The following ZBTB38 variants were observed in gnomAD, a reference collection of about 807,000 sequenced individuals.
The protein encoded by ZBTB38 is zinc finger and BTB domain containing 38, also known as zinc finger and BTB domain-containing protein 38.
A neutral mutation model predicts 76.8 loss-of-function variants in ZBTB38; 20 were observed. The observed-to-expected ratio is 0.26, with a 90% CI of 0.18 to 0.38. The LOEUF is 0.38. Among genes scored for constraint, ZBTB38 ranks in the 10% least tolerant of loss-of-function variants. The pLI, the probability that ZBTB38 is intolerant of heterozygous loss-of-function variation, is 1.00. For missense variants in ZBTB38, 1,082 were observed against 1,482.3 expected (o/e 0.73, Z 4.43); for synonymous variants, 504 against 544.2 (o/e 0.93, Z 1.03).
chr3:141,343,164 T>C (rs1576651628), intron 1 of ZBTB38, among the ~76,000 whole-genome samples: 1 of 151,986 alleles, frequency 6.6e-6, no homozygotes, highest in Admixed American at 6.6e-5. Context: ...TCGGAGGAAG[T>C]TTAGGGCAAG....
intron 5 of ZBTB38, among the ~76,000 whole-genome samples, chr3:141,408,628 G>A (rs1463667784): frequency 6.6e-6 from 1 of 152,074 alleles, no homozygotes; most frequent in Non-Finnish European, 1.5e-5. Context: ...ACAAAGGATT[G>A]AGATATATAG....
Position 141,442,302 on chromosome 3 carries a change from C to A in ZBTB38, c.1-87C>A. 2.0e-6 allele frequency: 2 copies of A among 992,352 alleles called. No homozygotes were observed. Among genetic ancestry groups the A allele is most frequent in the Non-Finnish European group, 3.0e-6 (2 of 665,672 alleles). 61.5% of individuals were successfully genotyped at this position (992,352 alleles called of 1,614,324 possible). A position where few individuals can be genotyped will look rare whatever the true frequency, so the allele number is the denominator to read the frequency against. The stretch of plus-strand genomic sequence containing the variant: ...AAACCTGAAGTTTCATACAAAAGAA[C>A]AGTTTTTCACAGAAGTGGAAAATAG... On this transcript the variant is annotated intron_variant, in intron 5 of 5. Transcript: ENST00000321464. The surrounding 1 kb of genome is among the most constrained non-coding windows in gnomAD (Gnocchi z 6.4).
intron 5 of ZBTB38, among the ~76,000 whole-genome samples, chr3:141,409,962 G>A (rs13099193): frequency 0.25 from 38,433 of 152,176 alleles, 5,722 homozygotes; most frequent in Non-Finnish European, 0.34. Context: ...AAAGACATTC[G>A]TGAGAATCCA....
intron 5 of ZBTB38, among the ~76,000 whole-genome samples, chr3:141,429,045 C>T (rs1210671003): frequency 6.6e-6 from 1 of 152,056 alleles, no homozygotes; most frequent in Non-Finnish European, 1.5e-5. Flanking sequence ...AGGCACTGTT[C>T]CAGGTGCTTA....
intron 1 of ZBTB38, among the ~76,000 whole-genome samples, chr3:141,355,301 C>T (rs912963303): frequency 1.1e-4 from 17 of 152,102 alleles, no homozygotes; most frequent in African/African-American, 3.1e-4. Context: ...TCCTTACTCT[C>T]CAAGGTTGGG....
At chr3:141,340,966 G>GAAAGAAAGAAAGA (rs1412534685) in intron 1 of ZBTB38, among the ~76,000 whole-genome samples, 1 of 83,870 alleles carries the variant, frequency 1.2e-5, no homozygotes, top group Non-Finnish European at 2.4e-5. Context: ...AAGAAAGAAA[G>GAAAGAAAGAAAGA]AAAGAAAGAA....
intron 5 of ZBTB38, chr3:141,434,159 T>C (rs2078229791): frequency 2.0e-6 from 2 of 983,762 alleles, no homozygotes; most frequent in African/African-American, 1.7e-5. Flanking sequence ...ATTGTAATGA[T>C]GGGAAACCAA....
Position 141,443,133 on chromosome 3 carries a change from G to A in ZBTB38, c.745G>A (p.Gly249Arg), listed in dbSNP as rs765092724. The change falls in exon 6 of 6, where the codon GGG becomes AGG. Residue 249 changes from glycine (G) to arginine (R), a missense_variant. This residue lies in a region of ZBTB38 where 324 missense variants were observed against 359.1 expected (regional missense o/e 0.90). Coordinates refer to ENST00000321464, the MANE Select transcript of ZBTB38 (RefSeq NM_001376113.1). The surrounding 1 kb of genome is among the most constrained non-coding windows in gnomAD (Gnocchi z 5.6). The part of the protein sequence containing the change: ...EHDGSSPGNT[G>R]KENCEALAAK... ...TGATGGCAGTTCACCTGGTAACACA[G>A]GGAAAGAAAATTGTGAAGCCCTTGC... 9 of 1,614,190 alleles carry A rather than the reference G, an allele frequency of 5.6e-6. No homozygotes were observed. The highest frequency in any genetic ancestry group is 1.6e-4 in the Middle Eastern group (1 of 6,062).
At chr3:141,374,566 C>G (rs759368791) in intron 2 of ZBTB38, among the ~76,000 whole-genome samples, 1 of 152,010 alleles carries the variant, frequency 6.6e-6, no homozygotes, top group Non-Finnish European at 1.5e-5. Context: ...CTCACCCCAA[C>G]CCCACCCCAT....
intron 1 of ZBTB38, among the ~76,000 whole-genome samples, chr3:141,326,827 G>T (rs1004047667): frequency 6.6e-6 from 1 of 152,140 alleles, no homozygotes; most frequent in East Asian, 1.9e-4. Context: ...CCTCTTGAGG[G>T]GGGTGGTGTC....
chr3:141,446,031 G>T lies in ZBTB38; in HGVS notation c.*55G>T, dbSNP rs2081067320. On this transcript the variant is annotated 3_prime_UTR_variant, in exon 6 of 6. Coordinates refer to ENST00000321464, the MANE Select transcript of ZBTB38 (RefSeq NM_001376113.1). ...TATAGTTGGTGGTTTTTTTAGTTAT[G>T]ATTTAAGTTTAGTTTCATTTTGTCC... 2.1e-6 allele frequency: 3 copies of T among 1,431,548 alleles called. No individual in the cohort carries two copies. In the South Asian group the frequency reaches 4.3e-5, roughly 20 times the overall value. The allele number at this position is 1,431,548 out of a possible 1,614,324, so 88.7% of individuals were successfully genotyped here.
chr3:141,342,055 G>C (rs546008037), intron 1 of ZBTB38, among the ~76,000 whole-genome samples: 1 of 152,154 alleles, frequency 6.6e-6, no homozygotes, highest in Non-Finnish European at 1.5e-5. Flanking sequence ...GGCCGGGTAC[G>C]GTGGCTCACG....
At chr3:141,361,496 C>G (rs995539685) in intron 1 of ZBTB38, among the ~76,000 whole-genome samples, 1 of 152,186 alleles carries the variant, frequency 6.6e-6, no homozygotes, top group Non-Finnish European at 1.5e-5. Flanking sequence ...TAAGGTCACA[C>G]AGTATGTTAA....
chr3:141,352,364 A>G (rs990146567), intron 1 of ZBTB38, among the ~76,000 whole-genome samples: 2 of 152,050 alleles, frequency 1.3e-5, no homozygotes, highest in Non-Finnish European at 2.9e-5. Context: ...TGTATAGACT[A>G]TGAAAGAACC....
intron 4 of ZBTB38, among the ~76,000 whole-genome samples, chr3:141,397,843 C>T (rs1413278151): frequency 2.0e-5 from 3 of 152,114 alleles, no homozygotes; most frequent in African/African-American, 7.2e-5. Flanking sequence ...GATCACTGAT[C>T]ACAGATCACT....
In ZBTB38 at chr3:141,443,487, A is replaced by G. The variant is rs1357760879; in HGVS notation, c.1099A>G (p.Thr367Ala). Residue 367 changes from threonine (T) to alanine (A), a missense_variant, in exon 6 of 6, where the codon ACC (threonine) becomes GCC (alanine). By Grantham distance (58) the Thr-to-Ala change is moderately conservative (BLOSUM62 0). Transcript: ENST00000321464. This position sits in a 1 kb window ranked among gnomAD's most constrained non-coding sequence, Gnocchi z 5.6. Reference sequence around the variant, plus strand: ...TGCCCACATGCAGCTTCACAAGCCAACCCAGGAGCCTTTAGTGTGCAAGTA... The same window carrying G: ...TGCCCACATGCAGCTTCACAAGCCAGCCCAGGAGCCTTTAGTGTGCAAGTA... ...LSAHMQLHKP[T>A]QEPLVCKYCN... is the part of the protein sequence containing the mutation. The G allele has an allele frequency of 3.1e-6, 5 of 1,614,072 alleles. No homozygotes were observed. Among genetic ancestry groups the G allele is most frequent in the South Asian group, 1.1e-5 (1 of 91,082 alleles).
At chr3:141,346,166 C>T (rs59199312) in intron 1 of ZBTB38, among the ~76,000 whole-genome samples, 9,153 of 152,198 alleles carry the variant, frequency 0.06, 779 homozygotes, top group African/African-American at 0.18. Flanking sequence ...AGAGTCTCCA[C>T]CCTGGCTGCA....
intron 5 of ZBTB38, among the ~76,000 whole-genome samples, chr3:141,438,631 A>G (rs1270796229): frequency 6.6e-6 from 1 of 152,130 alleles, no homozygotes; most frequent in Non-Finnish European, 1.5e-5. Flanking sequence ...GTGATGGCCT[A>G]TTGGTCTCCT....
intron 5 of ZBTB38, among the ~76,000 whole-genome samples, chr3:141,421,662 G>T (rs1225440574): frequency 6.6e-6 from 1 of 152,176 alleles, no homozygotes; most frequent in Non-Finnish European, 1.5e-5. Context: ...CTAACAAGGA[G>T]ATTCACACAC....
Sources: gnomAD v4.1 joint callset for allele counts (sites outside exome capture counted in the v4.1 genomes callset) on GRCh38, gnomAD v4.1.1 for gene constraint, gnomAD v4.1.1 regional missense constraint, Gnocchi (gnomAD v3.1) non-coding constraint, MANE v1.5 for transcripts, NCBI Gene and HGNC (gene_info 2026-07-23, HGNC 2026-07-21) for gene names.